The following GABRG3 variants were observed in gnomAD, a reference collection of about 807,000 sequenced individuals.
The protein encoded by GABRG3 is gamma-aminobutyric acid receptor subunit gamma-3.
Under a neutral mutation model 48.8 loss-of-function variants are expected in GABRG3, and 25 were observed. The ratio of observed to expected loss-of-function variants is 0.51; its 90% CI spans 0.37 to 0.72. The LOEUF (loss-of-function observed/expected upper bound fraction) is 0.72, where lower values mean the gene tolerates loss of function less well. Among genes scored for constraint, GABRG3 ranks in the 30% least tolerant of loss-of-function variants. The pLI is 0.00. For missense variants in GABRG3, 394 were observed against 577.9 expected (o/e 0.68, Z 3.26); for synonymous variants, 227 against 217.6 (o/e 1.04, Z -0.38).
chr15:26,982,986 C>A (rs1895081554), intron 2 of GABRG3, among the ~76,000 whole-genome samples: 1 of 152,088 alleles, frequency 6.6e-6, no homozygotes, highest in African/African-American at 2.4e-5. Flanking sequence ...ATTGGCAGAA[C>A]CCAGCAACTT....
intron 2 of GABRG3, among the ~76,000 whole-genome samples, chr15:27,004,231 T>C (rs56131971): frequency 0.49 from 72,709 of 147,826 alleles, 18,284 homozygotes; most frequent in Middle Eastern, 0.61. Context: ...ACTTCTCAGA[T>C]GGGGCAGTTG....
At chr15:27,013,307 A>T (rs1475320539) in intron 2 of GABRG3, among the ~76,000 whole-genome samples, 4 of 151,940 alleles carry the variant, frequency 2.6e-5, no homozygotes, top group African/African-American at 9.7e-5. Flanking sequence ...TTTTTCATTC[A>T]CCTGTTGATT....
chr15:27,129,687 C>T lies in GABRG3; in HGVS notation c.270+102866C>T, dbSNP rs188592557. 5.3e-5 allele frequency among the ~76,000 whole-genome samples: 8 copies of T among 151,596 alleles called. No homozygotes were observed. The East Asian group carries it at 5.8e-4, about 11-fold the overall frequency. Reference sequence around the variant, plus strand: ...AGAAATGCCAATTTCTCCACATCCTCGCCAACACTTGTTAGTTTCTGTTTT... The same window carrying T: ...AGAAATGCCAATTTCTCCACATCCTTGCCAACACTTGTTAGTTTCTGTTTT... On this transcript the variant is annotated intron_variant, in intron 3 of 9. Coordinates refer to ENST00000615808, the MANE Select transcript of GABRG3 (RefSeq NM_033223.5).
At position 27,328,801 on chromosome 15, in the gene GABRG3, C is replaced by T. The variant is rs374839752; in HGVS notation, c.492-5C>T. The T allele has an allele frequency of 1.7e-5, 28 of 1,613,666 alleles. No homozygotes were observed. The highest frequency in any genetic ancestry group is 1.5e-4 in the African/African-American group (11 of 75,052). On this transcript the variant is annotated splice_polypyrimidine_tract_variant and splice_region_variant and intron_variant, in intron 4 of 9. Coordinates refer to ENST00000615808, the MANE Select transcript of GABRG3 (RefSeq NM_033223.5). ...GAGCTAGACTGACACTTGGCTTTTT[C>T]GCAGGCTCACCATCAATGCTGAGTG...
intron 3 of GABRG3, among the ~76,000 whole-genome samples, chr15:27,144,093 A>G (rs1404225849): frequency 1.3e-5 from 2 of 152,216 alleles, no homozygotes; most frequent in Non-Finnish European, 1.5e-5. Flanking sequence ...TACTCCTCCA[A>G]AAAAGCAATA....
chr15:27,027,500 C>T (rs943151309), intron 3 of GABRG3, among the ~76,000 whole-genome samples: 2 of 152,302 alleles, frequency 1.3e-5, no homozygotes, highest in East Asian at 1.9e-4. Flanking sequence ...GACGTGAGGC[C>T]GAGGGAGGGG....
At chr15:27,370,648 T>C (rs1248466352) in intron 5 of GABRG3, among the ~76,000 whole-genome samples, 1 of 152,188 alleles carries the variant, frequency 6.6e-6, no homozygotes, top group African/African-American at 2.4e-5. Flanking sequence ...CATTAGCTGC[T>C]CGTTTAAAGA....
chr15:27,212,493 C>T (rs1889108269), intron 3 of GABRG3, among the ~76,000 whole-genome samples: 2 of 152,136 alleles, frequency 1.3e-5, no homozygotes, highest in Admixed American at 1.3e-4. Context: ...ATCCTTTACA[C>T]TATTATTTTT....
chr15:27,356,743 C>A, intron 5 of GABRG3, among the ~76,000 whole-genome samples: 1 of 152,040 alleles, frequency 6.6e-6, no homozygotes, highest in Middle Eastern at 3.2e-3. Flanking sequence ...CCTGGTGTAC[C>A]CACACAAAAA....
chr15:27,228,803 T>C (rs960957362), intron 3 of GABRG3, among the ~76,000 whole-genome samples: 29 of 152,264 alleles, frequency 1.9e-4, no homozygotes, highest in Non-Finnish European at 4.0e-4. Context: ...GATTTGCGTT[T>C]GTCTAATAAT....
At chr15:27,119,723 T>C (rs1469136878) in intron 3 of GABRG3, among the ~76,000 whole-genome samples, 1 of 152,180 alleles carries the variant, frequency 6.6e-6, no homozygotes, top group African/African-American at 2.4e-5. Flanking sequence ...CTGAGGTCAT[T>C]GGGTTCGTAT....
intron 5 of GABRG3, among the ~76,000 whole-genome samples, chr15:27,473,339 G>A (rs1300704728): frequency 6.6e-6 from 1 of 152,116 alleles, no homozygotes; most frequent in Non-Finnish European, 1.5e-5. Flanking sequence ...TGGAAAAGGG[G>A]AGAAATACAC....
chr15:27,078,250 C>T (rs2140741379), intron 3 of GABRG3, among the ~76,000 whole-genome samples: 1 of 152,294 alleles, frequency 6.6e-6, no homozygotes, highest in Admixed American at 6.5e-5. Flanking sequence ...AGGCTGACCT[C>T]CTCTAAATGA....
intron 5 of GABRG3, among the ~76,000 whole-genome samples, chr15:27,393,569 A>G (rs1369690260): frequency 6.6e-6 from 1 of 152,160 alleles, no homozygotes; most frequent in African/African-American, 2.4e-5. Context: ...TACATCATGG[A>G]TCATTCTAGC....
intron 5 of GABRG3, among the ~76,000 whole-genome samples, chr15:27,403,149 G>T (rs1401982996): frequency 6.6e-6 from 1 of 152,074 alleles, no homozygotes; most frequent in African/African-American, 2.4e-5. Context: ...AATTAAGACT[G>T]AAATTTAAGA....
At position 27,179,229 on chromosome 15, in the gene GABRG3, G is replaced by T. The variant is rs895662782; in HGVS notation, c.271-147580G>T. Among the ~76,000 whole-genome samples, 2 of 152,142 alleles carry T rather than the reference G, an allele frequency of 1.3e-5. No individual in the cohort carries two copies. Among genetic ancestry groups the T allele is most frequent in the African/African-American group, 4.8e-5 (2 of 41,434 alleles). On this transcript the variant is annotated intron_variant, in intron 3 of 9. Transcript: ENST00000615808. This position sits in a 1 kb window ranked among gnomAD's most constrained non-coding sequence, Gnocchi z 4.0. ...AATATTGCTTACTCCTATCATCAAT[G>T]CATTGCCGTGATTTGCCATTTCAAA...
chr15:27,208,717 A>ACATCATAGG (rs1888962495), intron 3 of GABRG3: 1 of 152,426 alleles, frequency 6.6e-6, no homozygotes, highest in Non-Finnish European at 1.5e-5. Flanking sequence ...TAATTCACTG[A>ACATCATAGG]AGTTTTCCTA....
chr15:27,084,518 G>A (rs916030449), intron 3 of GABRG3, among the ~76,000 whole-genome samples: 3 of 152,208 alleles, frequency 2.0e-5, no homozygotes, highest in African/African-American at 7.2e-5. Context: ...GAGAAGACTG[G>A]TCCTGGTGGT....
chr15:27,524,046 C>A (rs943236655), intron 7 of GABRG3, among the ~76,000 whole-genome samples: 1 of 151,978 alleles, frequency 6.6e-6, no homozygotes, highest in East Asian at 1.9e-4. Context: ...CTGAATTAAT[C>A]CCAAATAGGT....
Sources: allele counts gnomAD v4.1 joint callset (sites outside exome capture counted in the v4.1 genomes callset), GRCh38; gene constraint gnomAD v4.1.1; non-coding constraint Gnocchi (gnomAD v3.1); transcripts MANE v1.5; gene names NCBI Gene and HGNC (gene_info 2026-07-23, HGNC 2026-07-21).